CNTN5: variants seen among roughly 807,000 people sequenced by gnomAD.
The protein encoded by CNTN5 is contactin-5.
CNTN5 carries 77 observed loss-of-function variants against 129.1 expected under a neutral mutation model. That is an observed-to-expected ratio of 0.60 (90% CI 0.50 to 0.72). The LOEUF (loss-of-function observed/expected upper bound fraction) is 0.72, where lower values mean the gene tolerates loss of function less well. CNTN5 is among the 30% of genes least tolerant of loss of function. CNTN5 has a pLI of 0.00. For missense variants in CNTN5, 1,478 were observed against 1,328.8 expected (o/e 1.11, Z -1.75); for synonymous variants, 509 against 465.6 (o/e 1.09, Z -1.20).
chr11:99,608,841 T>A (rs74755707), intron 3 of CNTN5, among the ~76,000 whole-genome samples: 4,365 of 152,292 alleles, frequency 0.029, 169 homozygotes, highest in East Asian at 0.091. Context: ...TGTGTCTATA[T>A]GAGTTCTAAG....
At chr11:99,161,296 A>T (rs1215935629) in intron 1 of CNTN5, among the ~76,000 whole-genome samples, 1 of 152,190 alleles carries the variant, frequency 6.6e-6, no homozygotes, top group Admixed American at 6.5e-5. Context: ...TCTATGACAG[A>T]TACTTCTAAC....
chr11:99,233,551 G>T (rs1861111183), intron 1 of CNTN5, among the ~76,000 whole-genome samples: 1 of 152,098 alleles, frequency 6.6e-6, no homozygotes, highest in African/African-American at 2.4e-5. Context: ...TGTATAATGT[G>T]CCCAGAGTTA....
intron 15 of CNTN5, among the ~76,000 whole-genome samples, 195 bp from the exon 16 acceptor site, chr11:100,224,497 C>T (rs924233013): frequency 2.6e-5 from 4 of 152,094 alleles, no homozygotes; most frequent in Non-Finnish European, 5.9e-5. Context: ...TGTTCAACCC[C>T]TTTATTAGCA....
intron 1 of CNTN5, among the ~76,000 whole-genome samples, chr11:99,080,293 G>T (rs960237296): frequency 2.6e-5 from 4 of 152,160 alleles, no homozygotes; most frequent in Admixed American, 2.6e-4. Context: ...AGGTGATAAT[G>T]ACAGGAATCT....
At chr11:99,121,203 G>A (rs948764823) in intron 1 of CNTN5, among the ~76,000 whole-genome samples, 1 of 149,770 alleles carries the variant, frequency 6.7e-6, no homozygotes, top group African/African-American at 2.5e-5. Context: ...GGCACCATCT[G>A]GGCTCACTGC....
intron 2 of CNTN5, among the ~76,000 whole-genome samples, chr11:99,542,733 T>A (rs1357359066): frequency 6.6e-6 from 1 of 152,192 alleles, no homozygotes; most frequent in African/African-American, 2.4e-5. Flanking sequence ...GAGCCAAGAT[T>A]GCCTATTAGA....
At chr11:99,697,239 G>C (rs748542278) in intron 3 of CNTN5, among the ~76,000 whole-genome samples, 24 of 151,830 alleles carry the variant, frequency 1.6e-4, no homozygotes, top group Non-Finnish European at 3.2e-4. Context: ...TAACTCTTCT[G>C]TGTGTTGTAC....
At chr11:100,234,637 C>G (rs1276675131) in intron 16 of CNTN5, among the ~76,000 whole-genome samples, 1 of 150,380 alleles carries the variant, frequency 6.6e-6, no homozygotes, top group African/African-American at 2.5e-5. Context: ...ACATCAGGGC[C>G]TGCCAGCAGG....
At chr11:99,874,752 A>C (rs1948590506) in intron 6 of CNTN5, among the ~76,000 whole-genome samples, 1 of 152,214 alleles carries the variant, frequency 6.6e-6, no homozygotes, top group South Asian at 2.1e-4. Context: ...TTGAAGATGA[A>C]CAATTTACTT....
chr11:100,234,700 G>A (rs1375448590), intron 16 of CNTN5, among the ~76,000 whole-genome samples: 2 of 148,066 alleles, frequency 1.4e-5, no homozygotes, highest in African/African-American at 5.0e-5. Flanking sequence ...AATACCTAAT[G>A]TAGATGACAG....
chr11:99,954,224 C>T (rs916687386), intron 7 of CNTN5, among the ~76,000 whole-genome samples: 8 of 152,100 alleles, frequency 5.3e-5, no homozygotes, highest in South Asian at 2.1e-4. Context: ...AAAGCATTCT[C>T]GAGGAAGACT....
chr11:100,091,837 T>TA (rs1944799804), intron 13 of CNTN5, among the ~76,000 whole-genome samples: 1 of 152,100 alleles, frequency 6.6e-6, no homozygotes, highest in African/African-American at 2.4e-5. Context: ...ATGTGGAAGC[T>TA]AAAAAATATG....
chr11:100,099,647 C>CT (rs1041636419), intron 13 of CNTN5, among the ~76,000 whole-genome samples: 2 of 151,700 alleles, frequency 1.3e-5, no homozygotes, highest in Non-Finnish European at 2.9e-5. Context: ...TAGTCTTTCT[C>CT]TTTCTAGAAT....
At chr11:99,262,600 CTT>C (rs56941843) in intron 1 of CNTN5, among the ~76,000 whole-genome samples, 7 of 144,764 alleles carry the variant, frequency 4.8e-5, no homozygotes, top group Non-Finnish European at 7.7e-5. Context: ...TTCTTTGTTT[CTT>C]TTTTTTTTTC....
intron 2 of CNTN5, among the ~76,000 whole-genome samples, chr11:99,525,426 A>G (rs561316750): frequency 8.5e-5 from 13 of 152,358 alleles, no homozygotes; most frequent in Non-Finnish European, 1.9e-4. Flanking sequence ...TCTAGTGCAC[A>G]GATGAATAGA....
rs150689487 is a variant in CNTN5 at position 99,759,047 on chromosome 11, G to A, written c.56-60497G>A. ...TTATACTAGCTTTCTATTTTAAGTC[G>A]GTACAAGTTGCTTTTATATGCATTG... On this transcript the variant is annotated intron_variant, in intron 3 of 24. Coordinates refer to ENST00000524871, the MANE Select transcript of CNTN5 (RefSeq NM_014361.4). Among the ~76,000 whole-genome samples, 602 of 152,038 alleles carry A rather than the reference G, an allele frequency of 4.0e-3. 2 individuals carry two copies. Among genetic ancestry groups the A allele is most frequent in the African/African-American group, 0.013 (558 of 41,506 alleles).
intron 2 of CNTN5, among the ~76,000 whole-genome samples, chr11:99,384,026 ATCAG>A: frequency 6.6e-6 from 1 of 152,352 alleles, no homozygotes; most frequent in Middle Eastern, 3.4e-3. Context: ...GATAAAACAC[ATCAG>A]TCTGAAACAT....
At chr11:99,382,855 T>A (rs1436126104) in intron 2 of CNTN5, among the ~76,000 whole-genome samples, 33 of 89,954 alleles carry the variant, frequency 3.7e-4, no homozygotes, top group African/African-American at 1.5e-3. Context: ...CTTTTTTTTT[T>A]TTTTTTTTTT....
At chr11:100,155,918 G>T (rs999011472) in intron 13 of CNTN5, among the ~76,000 whole-genome samples, 1 of 152,096 alleles carries the variant, frequency 6.6e-6, no homozygotes, top group Non-Finnish European at 1.5e-5. Flanking sequence ...AGAAGATGGG[G>T]TTTTCTAAAT....
Sources: allele counts gnomAD v4.1 joint callset (sites outside exome capture counted in the v4.1 genomes callset), GRCh38; gene constraint gnomAD v4.1.1; transcripts MANE v1.5; gene names NCBI Gene and HGNC (gene_info 2026-07-23, HGNC 2026-07-21).